Variants in NFATC1 observed in about 807,000 individuals in gnomAD.
NFATC1 encodes nuclear factor of activated T-cells, cytoplasmic 1.
In NFATC1, 22 loss-of-function variants were observed where a neutral mutation model predicts 76.0. The observed-to-expected ratio is 0.29, with a 90% CI of 0.21 to 0.41. NFATC1 has a LOEUF of 0.41. Among genes scored for constraint, NFATC1 ranks in the 10% least tolerant of loss-of-function variants. The pLI is 1.00. For synonymous variants in NFATC1, 704 were observed against 613.1 expected, an observed-to-expected ratio of 1.15 and a Z score of -2.19; for missense variants, 1,357 against 1,337.7, an observed-to-expected ratio of 1.01 and a Z score of -0.23.
At position 79,501,821 on chromosome 18, in the gene NFATC1, T is replaced by C. The variant is rs369077631; in HGVS notation, c.2782+14884T>C. 5.3e-5 allele frequency among the ~76,000 whole-genome samples: 8 copies of C among 152,266 alleles called. No individual in the cohort carries two copies. In the South Asian group the frequency reaches 6.2e-4, roughly 12 times the overall value. ...TAACTTTAAAGAAGTTAAGGACTTA[T>C]ACTCTGAAAATGACAGAACGTTGCT... On this transcript the variant is annotated intron_variant, in intron 9 of 9. Coordinates refer to ENST00000427363, the MANE Select transcript of NFATC1 (RefSeq NM_001278669.2).
chr18:79,428,904 A>C (rs951770951), intron 2 of NFATC1, among the ~76,000 whole-genome samples: 2 of 152,208 alleles, frequency 1.3e-5, no homozygotes, highest in African/African-American at 4.8e-5. Context: ...AAGATGTATC[A>C]TTTTGTAAAA....
intron 8 of NFATC1, among the ~76,000 whole-genome samples, chr18:79,480,896 G>A (rs1385066429): frequency 6.6e-6 from 1 of 152,242 alleles, no homozygotes. Context: ...GCAGCGGAGA[G>A]AGGATCCCAA....
Position 79,410,910 on chromosome 18 carries a change from C to A in NFATC1, c.635C>A (p.Pro212His). The A allele has an allele frequency of 6.2e-7, 1 of 1,607,742 alleles. No individual in the cohort carries two copies. ...TSPWQSPCVS[P>H]KTTDPEEGFP... ...CCATGGCAGTCTCCCTGCGTGTCTC[C>A]CAAGACCACGGACCCCGAGGAGGGC... The change falls in exon 2 of 10, where the codon CCC becomes CAC. Residue 212 changes from proline (P) to histidine (H), a missense_variant. Pro to His is a moderately conservative substitution (Grantham distance 77). Coordinates refer to ENST00000427363, the MANE Select transcript of NFATC1 (RefSeq NM_001278669.2). The surrounding 1 kb of genome is among the most constrained non-coding windows in gnomAD (Gnocchi z 6.7).
chr18:79,488,081 G>T (rs560888238), intron 9 of NFATC1, among the ~76,000 whole-genome samples: 122 of 152,294 alleles, frequency 8.0e-4, no homozygotes, highest in African/African-American at 2.7e-3. Flanking sequence ...CTGACCCAGG[G>T]GGGGCAGGGA....
chr18:79,492,292 A>G (rs573405734), intron 9 of NFATC1, among the ~76,000 whole-genome samples: 1 of 152,256 alleles, frequency 6.6e-6, no homozygotes, highest in East Asian at 1.9e-4. Flanking sequence ...TCAAAATGAA[A>G]AATGAGGCTG....
chr18:79,491,091 C>G (rs1047662324), intron 9 of NFATC1, among the ~76,000 whole-genome samples: 1 of 152,106 alleles, frequency 6.6e-6, no homozygotes, highest in Non-Finnish European at 1.5e-5. Flanking sequence ...TTGATGGGGA[C>G]AGCGGGAGAG....
chr18:79,433,316 C>T (rs191247370), intron 2 of NFATC1, among the ~76,000 whole-genome samples: 125 of 152,266 alleles, frequency 8.2e-4, no homozygotes, highest in African/African-American at 2.9e-3. Context: ...GGTTAAGTAA[C>T]TGATAGAAGC....
intron 3 of NFATC1, among the ~76,000 whole-genome samples, chr18:79,441,333 C>T (rs747596856): frequency 1.3e-4 from 19 of 151,986 alleles, no homozygotes; most frequent in Non-Finnish European, 2.5e-4. Context: ...CTGTAGCTGT[C>T]GGGCTCTGGA....
chr18:79,443,365 G>A (rs1383696541), intron 3 of NFATC1, among the ~76,000 whole-genome samples: 2 of 152,242 alleles, frequency 1.3e-5, no homozygotes, highest in Non-Finnish European at 2.9e-5. Flanking sequence ...GAATCGGTCA[G>A]TCACACGGAT....
chr18:79,501,571 A>G (rs1253013998), intron 9 of NFATC1, among the ~76,000 whole-genome samples: 1 of 151,328 alleles, frequency 6.6e-6, no homozygotes, highest in Non-Finnish European at 1.5e-5. Context: ...ACGTGATTCT[A>G]TATGTAGAAA....
chr18:79,436,653 G>A (rs1288121884), intron 3 of NFATC1, among the ~76,000 whole-genome samples: 1 of 152,250 alleles, frequency 6.6e-6, no homozygotes. Context: ...AGCATTCGGA[G>A]CATGGACTCT....
intron 8 of NFATC1, chr18:79,470,946 C>G (rs971018659): frequency 6.6e-6 from 1 of 152,192 alleles, no homozygotes; most frequent in Admixed American, 6.5e-5. Flanking sequence ...GGAGAAGTTC[C>G]CAGCAGAATG....
chr18:79,525,673 A>G (rs764158036), intron 9 of NFATC1, among the ~76,000 whole-genome samples: 1 of 152,156 alleles, frequency 6.6e-6, no homozygotes, highest in Non-Finnish European at 1.5e-5. Flanking sequence ...TCGTCCCCAC[A>G]ATCACTATTC....
chr18:79,400,506 G>A (rs1261797089), intron 1 of NFATC1: 3 of 1,400,902 alleles, frequency 2.1e-6, no homozygotes, highest in Non-Finnish European at 2.8e-6. Flanking sequence ...GGGCGCGGGG[G>A]GCGCGGGGCC....
intron 6 of NFATC1, among the ~76,000 whole-genome samples, chr18:79,459,644 C>T (rs558365403): frequency 5.4e-4 from 82 of 152,178 alleles, no homozygotes; most frequent in African/African-American, 1.7e-3. Context: ...CTGGGCTGGG[C>T]GGGAAGCAAA....
intron 8 of NFATC1, among the ~76,000 whole-genome samples, chr18:79,479,299 C>T (rs1202819121): frequency 6.6e-6 from 1 of 152,224 alleles, no homozygotes; most frequent in Non-Finnish European, 1.5e-5. Context: ...AGGGTGAGCC[C>T]GGAACACGGG....
At chr18:79,402,425 CCAAAA>C in intron 1 of NFATC1, 1 of 980,956 alleles carries the variant, frequency 1.0e-6, no homozygotes, top group Non-Finnish European at 1.2e-6. Flanking sequence ...GCTCATTCCC[CCAAAA>C]CACTCCTTGA....
intron 1 of NFATC1, among the ~76,000 whole-genome samples, chr18:79,400,667 G>A: frequency 1.0e-5 from 1 of 96,716 alleles, no homozygotes; most frequent in East Asian, 3.9e-4. Flanking sequence ...TCCTCCGAGC[G>A]CTCGCGGCGG....
intron 7 of NFATC1, among the ~76,000 whole-genome samples, chr18:79,461,881 C>T (rs367840808): frequency 1.9e-3 from 296 of 152,324 alleles, no homozygotes; most frequent in African/African-American, 6.7e-3. Flanking sequence ...CTGATTGCGC[C>T]GACCTCCCCT....
Sources: gnomAD v4.1 joint callset for allele counts (sites outside exome capture counted in the v4.1 genomes callset) on GRCh38, gnomAD v4.1.1 for gene constraint, Gnocchi (gnomAD v3.1) non-coding constraint, MANE v1.5 for transcripts, NCBI Gene and HGNC (gene_info 2026-07-23, HGNC 2026-07-21) for gene names.